The following STAG1 variants were observed in gnomAD, a reference collection of about 807,000 sequenced individuals.
The protein encoded by STAG1 is STAG1 cohesin complex component.
A neutral mutation model predicts 170.9 loss-of-function variants in STAG1; 26 were observed. The ratio of observed to expected loss-of-function variants is 0.15; its 90% CI spans 0.11 to 0.21. The LOEUF (loss-of-function observed/expected upper bound fraction) is 0.21, where lower values mean the gene tolerates loss of function less well. Among genes scored for constraint, STAG1 ranks in the 10% least tolerant of loss-of-function variants. STAG1 has a pLI of 1.00. For synonymous variants in STAG1, 514 were observed against 497.7 expected (o/e 1.03, Z -0.44); for missense variants, 964 against 1,509.5 (o/e 0.64, Z 5.99).
intron 6 of STAG1, among the ~76,000 whole-genome samples, chr3:136,522,873 C>A (rs527519223): frequency 6.6e-6 from 1 of 152,182 alleles, no homozygotes; most frequent in Non-Finnish European, 1.5e-5. Context: ...CCAGCTTCAT[C>A]CATGTCCCTA....
intron 7 of STAG1, 23 bp downstream of exon 7, chr3:136,521,190 G>A (rs1289732610): frequency 3.8e-6 from 6 of 1,585,886 alleles, no homozygotes; most frequent in Middle Eastern, 3.3e-4. Flanking sequence ...AAATGAAAAG[G>A]AAATAAAATG....
chr3:136,511,741 C>A (rs1934075402), intron 7 of STAG1, among the ~76,000 whole-genome samples: 1 of 152,074 alleles, frequency 6.6e-6, no homozygotes, highest in East Asian at 1.9e-4. Context: ...TACAACAAGT[C>A]CCTGTGACAT....
At chr3:136,641,949 C>G (rs183939269) in intron 1 of STAG1, among the ~76,000 whole-genome samples, 75 of 152,202 alleles carry the variant, frequency 4.9e-4, no homozygotes, top group Non-Finnish European at 3.2e-4. Context: ...TAACTCCCAA[C>G]TCTACACTAA....
At chr3:136,629,430 A>G (rs1940237327) in intron 2 of STAG1, among the ~76,000 whole-genome samples, 1 of 152,124 alleles carries the variant, frequency 6.6e-6, no homozygotes, top group Admixed American at 6.6e-5. Context: ...AGAAAATACT[A>G]TAAGGGGCCC....
At chr3:136,508,033 G>A (rs1164509956) in intron 7 of STAG1, among the ~76,000 whole-genome samples, 1 of 152,148 alleles carries the variant, frequency 6.6e-6, no homozygotes, top group Non-Finnish European at 1.5e-5. Context: ...AAACCTAATA[G>A]GAGAGGACTG....
At chr3:136,407,474 T>G (rs1368858422) in intron 21 of STAG1, among the ~76,000 whole-genome samples, 1 of 152,154 alleles carries the variant, frequency 6.6e-6, no homozygotes, top group African/African-American at 2.4e-5. Flanking sequence ...AAATAATTAT[T>G]TTCTTGAGAC....
At position 136,466,555 on chromosome 3, in the gene STAG1, T is replaced by C. The variant is rs188388939; in HGVS notation, c.1206-1567A>G. ...GTGTACCTGAAAGTGACAGGAAGAA[T>C]GGAAACAAGTTGGAAAACACTCTGC... On this transcript the variant is annotated intron_variant, in intron 12 of 33. Coordinates refer to ENST00000383202, the MANE Select transcript of STAG1 (RefSeq NM_005862.3). Among the ~76,000 whole-genome samples, 170 of 152,152 alleles carry C rather than the reference T, an allele frequency of 1.1e-3. 1 individual carries two copies. The highest frequency in any genetic ancestry group is 2.5e-4 in the Non-Finnish European group (17 of 68,008).
chr3:136,670,081 G>A (rs1406089825), intron 1 of STAG1, among the ~76,000 whole-genome samples: 3 of 152,232 alleles, frequency 2.0e-5, no homozygotes, highest in Non-Finnish European at 2.9e-5. Context: ...GCCAAGCCAG[G>A]AGGACTGCTT....
intron 1 of STAG1, among the ~76,000 whole-genome samples, chr3:136,747,221 G>C (rs888981351): frequency 6.9e-6 from 1 of 145,494 alleles, no homozygotes; most frequent in African/African-American, 2.6e-5. Context: ...TGCAGTAAGC[G>C]AAGATCATGC....
chr3:136,428,640 T>G (rs1387478193), intron 16 of STAG1, among the ~76,000 whole-genome samples: 3 of 152,152 alleles, frequency 2.0e-5, no homozygotes, highest in Non-Finnish European at 4.4e-5. Flanking sequence ...ATTACACCAC[T>G]GAAAATGCCA....
At chr3:136,398,559 T>C (rs2108340864) in intron 22 of STAG1, among the ~76,000 whole-genome samples, 190 bp downstream of exon 22, 1 of 152,244 alleles carries the variant, frequency 6.6e-6, no homozygotes, top group African/African-American at 2.4e-5. Context: ...CTTGAAGATT[T>C]TGGCTCTTCC....
intron 4 of STAG1, among the ~76,000 whole-genome samples, chr3:136,593,885 TTC>T (rs1412166590): frequency 2.6e-5 from 4 of 152,338 alleles, no homozygotes; most frequent in Middle Eastern, 3.4e-3. Context: ...ATTACAGTAT[TTC>T]TGTCTTTCAA....
chr3:136,672,030 A>C lies in STAG1; in HGVS notation c.-83-41049T>G, dbSNP rs140774039. ...GCTGAAGTATGAACTGACTCACATA[A>C]CCAATCCACCAATAAATTTCTGGAG... On this transcript the variant is annotated intron_variant, in intron 1 of 33. Transcript: ENST00000383202. Among the ~76,000 whole-genome samples the C allele has an allele frequency of 9.7e-3, 1,474 of 152,352 alleles. 11 individuals carry two copies. The highest frequency in any genetic ancestry group is 0.015 in the Non-Finnish European group (1,002 of 68,028).
chr3:136,750,122 T>C (rs1935153902), intron 1 of STAG1, among the ~76,000 whole-genome samples: 1 of 152,222 alleles, frequency 6.6e-6, no homozygotes, highest in Non-Finnish European at 1.5e-5. Context: ...GTTACAGCAA[T>C]TAAATGTGTG....
At chr3:136,696,672 G>T (rs1011672315) in intron 1 of STAG1, among the ~76,000 whole-genome samples, 1 of 151,852 alleles carries the variant, frequency 6.6e-6, no homozygotes, top group African/African-American at 2.4e-5. Flanking sequence ...CAATTTTGCT[G>T]TAAATCTTAA....
chr3:136,359,299 G>A lies in STAG1; in HGVS notation c.2788-3C>T, dbSNP rs1052219141. On this transcript the variant is annotated splice_region_variant and splice_polypyrimidine_tract_variant and intron_variant, in intron 26 of 33. Coordinates refer to ENST00000383202, the MANE Select transcript of STAG1 (RefSeq NM_005862.3). ...TCTTGAACAAGTTCATTAAATAACT[G>A]ATAGAAAGAAAAAAAGAAGAAAAAA... 7.8e-6 allele frequency: 12 copies of A among 1,544,510 alleles called. No homozygotes were observed. Among genetic ancestry groups the A allele is most frequent in the African/African-American group, 2.8e-5 (2 of 71,982 alleles).
chr3:136,438,240 C>CTTTTTTTTTTTTTTTTTTTTT (rs371190637), intron 15 of STAG1, among the ~76,000 whole-genome samples: 1 of 128,210 alleles, frequency 7.8e-6, no homozygotes, highest in Non-Finnish European at 1.6e-5. Context: ...AGTTTCTTTT[C>CTTTTTTTTTTTTTTTTTTTTT]TTTTTTTTTT....
intron 5 of STAG1, among the ~76,000 whole-genome samples, chr3:136,547,375 T>C (rs1479594699): frequency 6.6e-6 from 1 of 152,166 alleles, no homozygotes; most frequent in Non-Finnish European, 1.5e-5. Flanking sequence ...AGGTGGTAGC[T>C]GTCATGTCTT....
chr3:136,655,368 G>C (rs1340515049), intron 1 of STAG1, among the ~76,000 whole-genome samples: 1 of 152,210 alleles, frequency 6.6e-6, no homozygotes, highest in East Asian at 1.9e-4. Flanking sequence ...TGGCCAGTAA[G>C]CACGTGAAAA....
Sources: gnomAD v4.1 joint callset for allele counts (sites outside exome capture counted in the v4.1 genomes callset) on GRCh38, gnomAD v4.1.1 for gene constraint, MANE v1.5 for transcripts, NCBI Gene and HGNC (gene_info 2026-07-23, HGNC 2026-07-21) for gene names.